The following PIWIL4 variants were observed in gnomAD, a reference collection of about 807,000 sequenced individuals.
PIWIL4 encodes piwi like RNA-mediated gene silencing 4.
A neutral mutation model predicts 100.9 loss-of-function variants in PIWIL4; 50 were observed. The ratio of observed to expected loss-of-function variants is 0.50; its 90% CI spans 0.39 to 0.63. The LOEUF (loss-of-function observed/expected upper bound fraction) is 0.63, where lower values mean the gene tolerates loss of function less well. Among genes scored for constraint, PIWIL4 ranks in the 20% least tolerant of loss-of-function variants. PIWIL4 has a pLI of 0.00. For missense variants in PIWIL4, 887 were observed against 1,043.3 expected, an observed-to-expected ratio of 0.85 and a Z score of 2.06; for synonymous variants, 342 against 367.5, an observed-to-expected ratio of 0.93 and a Z score of 0.79.
Position 94,583,480 on chromosome 11 carries a change from T to C in PIWIL4, c.546T>C (p.Gly182=). 1 of 1,613,824 alleles carries C rather than the reference T, an allele frequency of 6.2e-7. No individual in the cohort carries two copies. The change falls in exon 5 of 20, where the codon GGT becomes GGC. Residue 182 remains glycine, a synonymous_variant. Coordinates refer to ENST00000299001, the MANE Select transcript of PIWIL4 (RefSeq NM_152431.3). Reference sequence around the variant, plus strand: ...AGTTGTCAAGTGAAACTCAAAGAGGTGAGACTATAAAGATGACTATCACCC... The same window carrying C: ...AGTTGTCAAGTGAAACTCAAAGAGGCGAGACTATAAAGATGACTATCACCC... The part of the protein sequence containing the change: ...VTELSSETQR[G]ETIKMTITLK...
chr11:94,609,537 A>G (rs1449227531), intron 15 of PIWIL4, among the ~76,000 whole-genome samples: 1 of 152,148 alleles, frequency 6.6e-6, no homozygotes, highest in Non-Finnish European at 1.5e-5. Context: ...TAATAACACC[A>G]TACTTGCATG....
chr11:94,578,969 C>A (rs1016208634), intron 4 of PIWIL4, among the ~76,000 whole-genome samples: 1 of 152,148 alleles, frequency 6.6e-6, no homozygotes, highest in South Asian at 2.1e-4. Context: ...TAAGATTTCA[C>A]TAGTAATTGA....
At chr11:94,619,416 G>A (rs915178582) in intron 17 of PIWIL4, among the ~76,000 whole-genome samples, 37 of 152,048 alleles carry the variant, frequency 2.4e-4, no homozygotes, top group Non-Finnish European at 4.6e-4. Context: ...AATAGGTTGA[G>A]TCACTAATCA....
At chr11:94,580,912 TTTG>T (rs1330609054) in intron 4 of PIWIL4, among the ~76,000 whole-genome samples, 18 of 144,196 alleles carry the variant, frequency 1.2e-4, no homozygotes, top group African/African-American at 3.1e-4. Flanking sequence ...TTTTTTTTTT[TTTG>T]GAGAAGGAGT....
chr11:94,608,529 G>A (rs1212845578), intron 14 of PIWIL4, 54 bp from the exon 15 acceptor site: 1 of 1,471,332 alleles, frequency 6.8e-7, no homozygotes, highest in Non-Finnish European at 9.5e-7. Context: ...TTAAACCATT[G>A]GTAGGGGAAA....
rs556339973 is a variant in PIWIL4, at chr11:94,589,363, C to G, written c.1026+131C>G. The G allele has an allele frequency of 4.2e-4, 288 of 691,364 alleles. 5 individuals are homozygous for G. In the South Asian group the frequency reaches 5.2e-3, roughly 12 times the overall value. 42.8% of individuals were successfully genotyped at this position (691,364 alleles called of 1,614,324 possible). On this transcript the variant is annotated intron_variant, in intron 8 of 19. Transcript: ENST00000299001. ...CGACCTGATTCTCTGACTTGTCTCTCTCCTTCATCCCCACCCTCCCAGTCT... is the reference window on the plus strand; with the variant it reads ...CGACCTGATTCTCTGACTTGTCTCTGTCCTTCATCCCCACCCTCCCAGTCT...
chr11:94,602,542 G>A (rs993984335), intron 12 of PIWIL4, among the ~76,000 whole-genome samples: 3 of 151,798 alleles, frequency 2.0e-5, no homozygotes, highest in Non-Finnish European at 4.4e-5. Flanking sequence ...TAGATACTAT[G>A]CCAGTTGCTG....
chr11:94,584,323 G>A (rs1029807037), intron 5 of PIWIL4, among the ~76,000 whole-genome samples: 1 of 152,202 alleles, frequency 6.6e-6, no homozygotes, highest in Non-Finnish European at 1.5e-5. Flanking sequence ...AAGGCATGAA[G>A]ATGGGGAAGT....
chr11:94,614,920 C>G lies in PIWIL4; in HGVS notation c.1944-1573C>G, dbSNP rs779727369. On this transcript the variant is annotated intron_variant, in intron 15 of 19. Transcript: ENST00000299001. ...GCCCTGAAATGCTCATTTTGTGTAC[C>G]TTCTCCAAATCCTGAAGAGTCAAGC... Among the ~76,000 whole-genome samples, 113 of 152,166 alleles carry G rather than the reference C, an allele frequency of 7.4e-4. 2 individuals are homozygous for G. The highest frequency in any genetic ancestry group is 1.6e-3 in the Non-Finnish European group (108 of 68,036).
At chr11:94,567,811 A>G in intron 1 of PIWIL4, 1 of 1,193,538 alleles carries the variant, frequency 8.4e-7, no homozygotes, top group Non-Finnish European at 1.0e-6. Flanking sequence ...ACGTAGGTAT[A>G]TTAGCCAGTA....
chr11:94,619,839 C>G lies in PIWIL4; in HGVS notation c.2248C>G (p.Pro750Ala). ...CGAAATGAACCGCACTGTACAGAAC[C>G]CCCCACTTGGCACTGTTGTGGATTC... Reference protein sequence around the residue: ...FTEMNRTVQNPPLGTVVDSEA... With the variant: ...FTEMNRTVQNAPLGTVVDSEA... Residue 750 changes from proline to alanine, a missense_variant, in exon 18 of 20, where the codon CCC becomes GCC. By Grantham distance (27) the Pro-to-Ala change is conservative. Coordinates refer to ENST00000299001, the MANE Select transcript of PIWIL4 (RefSeq NM_152431.3). 6.2e-7 allele frequency: 1 copy of G among 1,614,170 alleles called. No individual in the cohort carries two copies. Among genetic ancestry groups the G allele is most frequent in the Non-Finnish European group, 8.5e-7 (1 of 1,180,022 alleles).
chr11:94,608,270 G>A (rs770091552), intron 14 of PIWIL4: 33 of 255,988 alleles, frequency 1.3e-4, no homozygotes, highest in East Asian at 2.7e-4. Flanking sequence ...AGAGGCAAGC[G>A]ATAGATACAC....
At chr11:94,609,088 A>G (rs537904435) in intron 15 of PIWIL4, among the ~76,000 whole-genome samples, 6 of 152,336 alleles carry the variant, frequency 3.9e-5, no homozygotes, top group Admixed American at 1.3e-4. Flanking sequence ...TTACTCTGTG[A>G]CTGAGGTCTA....
rs761308268 is a variant in PIWIL4 at position 94,620,050 on chromosome 11, C to T, written c.2348C>T (p.Thr783Ile). The change falls in exon 19 of 20, where the codon ACC becomes ATC. Residue 783 changes from threonine (T) to isoleucine (I), a missense_variant. Around this residue, in one of 2 missense-constraint regions of PIWIL4, gnomAD observed 741 missense variants for 930.0 expected, o/e 0.80. Coordinates refer to ENST00000299001, the MANE Select transcript of PIWIL4 (RefSeq NM_152431.3). The stretch of plus-strand genomic sequence containing the variant: ...GCCTGCCGGGGAACTGTTAGTCCTA[C>T]CTACTATAATGTCATCTATGATGAC... Reference protein sequence around the residue: ...QVACRGTVSPTYYNVIYDDNG... With the variant: ...QVACRGTVSPIYYNVIYDDNG... 6 of 1,614,080 alleles carry T rather than the reference C, an allele frequency of 3.7e-6. No homozygotes were observed. Among genetic ancestry groups the T allele is most frequent in the Non-Finnish European group, 3.4e-6 (4 of 1,179,980 alleles).
chr11:94,583,329 A>T lies in PIWIL4; in HGVS notation c.514-119A>T, dbSNP rs1011846962. On this transcript the variant is annotated intron_variant, in intron 4 of 19. Coordinates refer to ENST00000299001, the MANE Select transcript of PIWIL4 (RefSeq NM_152431.3). ...ATGTGATGATTAGATTATTACTCAT[A>T]CTAACACCTGCAGTTTTGTTTTTGT... 160 of 1,120,444 alleles carry T rather than the reference A, an allele frequency of 1.4e-4. 1 individual carries two copies. The highest frequency in any genetic ancestry group is 6.2e-4 in the Middle Eastern group (2 of 3,240). The allele number at this position is 1,120,444 out of a possible 1,614,324, so 69.4% of individuals were successfully genotyped here.
intron 11 of PIWIL4, among the ~76,000 whole-genome samples, chr11:94,600,155 G>T (rs1160984586): frequency 6.6e-6 from 1 of 152,156 alleles, no homozygotes; most frequent in Non-Finnish European, 1.5e-5. Context: ...CAGGAAACCT[G>T]TTTTTCCTGG....
intron 2 of PIWIL4, among the ~76,000 whole-genome samples, chr11:94,574,119 C>T (rs1815826): frequency 0.51 from 77,141 of 152,010 alleles, 21,555 homozygotes; most frequent in African/African-American, 0.76. Flanking sequence ...AGTCAGCATC[C>T]CCCGTACTAA....
intron 12 of PIWIL4, among the ~76,000 whole-genome samples, chr11:94,602,288 T>G (rs1948653278): frequency 6.6e-6 from 1 of 152,234 alleles, no homozygotes; most frequent in Admixed American, 6.5e-5. Context: ...CAACTGTTTT[T>G]CCTTCTTTCA....
At chr11:94,606,568 G>T (rs947158415) in intron 13 of PIWIL4, among the ~76,000 whole-genome samples, 1 of 152,146 alleles carries the variant, frequency 6.6e-6, no homozygotes. Flanking sequence ...GGTGGCTCAC[G>T]CCTGTAATCC....
Sources: allele counts gnomAD v4.1 joint callset (sites outside exome capture counted in the v4.1 genomes callset), GRCh38; gene constraint gnomAD v4.1.1; regional missense constraint gnomAD v4.1.1; transcripts MANE v1.5; gene names NCBI Gene and HGNC (gene_info 2026-07-23, HGNC 2026-07-21).